MYCT1: variants seen among roughly 807,000 people sequenced by gnomAD.
The protein encoded by MYCT1 is myc target protein 1.
A neutral mutation model predicts 15.0 loss-of-function variants in MYCT1; 12 were observed. The observed-to-expected ratio is 0.80, with a 90% CI of 0.51 to 1.29. The LOEUF is 1.29. Among genes scored for constraint, MYCT1 ranks in the 50% most tolerant of loss-of-function variants. MYCT1 has a pLI of 0.00. For missense variants in MYCT1, 287 were observed against 279.1 expected (o/e 1.03, Z -0.20); for synonymous variants, 104 against 102.7 (o/e 1.01, Z -0.07).
Position 152,698,032 on chromosome 6 carries a change from T to G in MYCT1, c.130T>G (p.Phe44Val). The G allele has an allele frequency of 6.2e-7, 1 of 1,610,890 alleles. No individual in the cohort carries two copies. Among genetic ancestry groups the G allele is most frequent in the South Asian group, 1.1e-5 (1 of 90,302 alleles). ...TTCTGTTTTTCTTCTCTTTCTTCTATTTCTTGTGGATATTATGGCTAATAA... is the reference window on the plus strand; with the variant it reads ...TTCTGTTTTTCTTCTCTTTCTTCTAGTTCTTGTGGATATTATGGCTAATAA... The part of the protein sequence containing the change: ...FLSVFLLFLL[F>V]LVDIMANNTT... Residue 44 changes from phenylalanine (F) to valine (V), a missense_variant, in exon 1 of 2, where the codon TTT becomes GTT. Physicochemically the swap from Phe to Val is conservative, Grantham distance 50. Coordinates refer to ENST00000367245, the MANE Select transcript of MYCT1 (RefSeq NM_025107.3).
At chr6:152,721,263 A>G (rs1010837030) in intron 1 of MYCT1, among the ~76,000 whole-genome samples, 1 of 152,196 alleles carries the variant, frequency 6.6e-6, no homozygotes, top group African/African-American at 2.4e-5. Flanking sequence ...AGGCATCATG[A>G]AGACTGCAGG....
chr6:152,738,317 A>C, the MYCT1 span, among the ~76,000 whole-genome samples: 2 of 152,124 alleles, frequency 1.3e-5, no homozygotes, highest in Non-Finnish European at 2.9e-5. Flanking sequence ...TACTTTCAGC[A>C]AGTAAAATGT....
downstream of MYCT1, among the ~76,000 whole-genome samples, chr6:152,729,033 G>T (rs949457397): frequency 6.6e-6 from 1 of 152,154 alleles, no homozygotes; most frequent in Non-Finnish European, 1.5e-5. Context: ...TTAGGGACAC[G>T]GTGTGATTTG....
intron 1 of MYCT1, among the ~76,000 whole-genome samples, chr6:152,698,939 G>T (rs1276964510): frequency 6.6e-6 from 1 of 152,120 alleles, no homozygotes; most frequent in Admixed American, 6.6e-5. Flanking sequence ...GGCTCACATG[G>T]GGAGTTGACA....
intron 1 of MYCT1, among the ~76,000 whole-genome samples, chr6:152,714,002 T>A (rs938673110): frequency 2.0e-5 from 3 of 152,122 alleles, no homozygotes; most frequent in Admixed American, 1.3e-4. Flanking sequence ...GGTAGAATTT[T>A]TTTTTATATT....
the MYCT1 span, among the ~76,000 whole-genome samples, chr6:152,745,694 G>A: frequency 2.0e-5 from 3 of 152,082 alleles, no homozygotes; most frequent in Admixed American, 6.5e-5. Flanking sequence ...GGCTGTCATC[G>A]ACTGAAATAT....
intron 1 of MYCT1, among the ~76,000 whole-genome samples, chr6:152,714,493 T>C (rs2099723295): frequency 6.6e-6 from 1 of 151,360 alleles, no homozygotes; most frequent in Non-Finnish European, 1.5e-5. Flanking sequence ...CTTATGAATG[T>C]GGCTTTAGGC....
In MYCT1 at chr6:152,722,079, G is replaced by A; in HGVS notation, c.534G>A (p.Val178=). The change falls in exon 2 of 2, where the codon GTG becomes GTA. Residue 178 remains valine (V), a synonymous_variant. Transcript: ENST00000367245. ...HPFLQCPPLP[V]ETESQLVTLP... is the part of the protein sequence containing the mutation. ...TTCTGCAATGTCCACCACTTCCTGT[G>A]GAAACTGAGAGTCAGCTGGTGACTC... is the stretch of plus-strand genomic sequence containing the variant. 1.2e-6 allele frequency: 2 copies of A among 1,614,074 alleles called. No individual in the cohort carries two copies. The highest frequency in any genetic ancestry group is 3.3e-5 in the Admixed American group (2 of 60,006).
the MYCT1 span, among the ~76,000 whole-genome samples, chr6:152,739,156 A>G: frequency 6.6e-6 from 1 of 151,912 alleles, no homozygotes; most frequent in Non-Finnish European, 1.5e-5. Flanking sequence ...ACTTAACACT[A>G]GAATTGGTTT....
the MYCT1 span, among the ~76,000 whole-genome samples, chr6:152,731,617 G>T: frequency 1.3e-5 from 2 of 152,156 alleles, no homozygotes; most frequent in East Asian, 3.9e-4. Flanking sequence ...GAGAACATGC[G>T]GTGTTTGGTT....
At chr6:152,737,665 G>A in the MYCT1 span, among the ~76,000 whole-genome samples, 1 of 152,176 alleles carries the variant, frequency 6.6e-6, no homozygotes, top group Admixed American at 6.5e-5. Context: ...ATGCTATTAA[G>A]TCATAAAAGA....
rs1209792300 is a variant in MYCT1, at chr6:152,724,439, T to C, written c.*2186T>C. On this transcript the variant is annotated 3_prime_UTR_variant, in exon 2 of 2. Transcript: ENST00000367245. ...CACCCTTATCCCAGTTATAAGACAG[T>C]CAAAATGACTATTTCCTAAATATTG... 2 of 152,146 alleles carry C rather than the reference T, an allele frequency of 1.3e-5. No homozygotes were observed. Among genetic ancestry groups the C allele is most frequent in the Non-Finnish European group, 2.9e-5 (2 of 68,020 alleles). 9.4% of individuals were successfully genotyped at this position (152,146 alleles called of 1,614,324 possible).
At chr6:152,746,268 A>G in the MYCT1 span, among the ~76,000 whole-genome samples, 5 of 152,232 alleles carry the variant, frequency 3.3e-5, no homozygotes, top group Non-Finnish European at 7.3e-5. Flanking sequence ...ACACCCCGGC[A>G]GACGCCTGAA....
At chr6:152,742,009 C>A in the MYCT1 span, among the ~76,000 whole-genome samples, 1 of 152,138 alleles carries the variant, frequency 6.6e-6, no homozygotes, top group East Asian at 1.9e-4. Context: ...GAGGTCCAAA[C>A]CAAATAGAGT....
At chr6:152,741,433 T>A in the MYCT1 span, among the ~76,000 whole-genome samples, 1 of 152,158 alleles carries the variant, frequency 6.6e-6, no homozygotes, top group Non-Finnish European at 1.5e-5. Flanking sequence ...ACCTTGAATG[T>A]TTATTCTTAT....
At chr6:152,739,292 CAAT>C in the MYCT1 span, among the ~76,000 whole-genome samples, 1 of 151,164 alleles carries the variant, frequency 6.6e-6, no homozygotes, top group African/African-American at 2.4e-5. Context: ...AATCTGCAAT[CAAT>C]AGTATACCTT....
At chr6:152,746,803 A>G in the MYCT1 span, among the ~76,000 whole-genome samples, 6 of 152,218 alleles carry the variant, frequency 3.9e-5, no homozygotes, top group African/African-American at 9.6e-5. Flanking sequence ...TTCTTTCTAC[A>G]TGTAATTTGA....
chr6:152,737,654 A>G, the MYCT1 span, among the ~76,000 whole-genome samples: 3 of 152,150 alleles, frequency 2.0e-5, no homozygotes, highest in Non-Finnish European at 4.4e-5. Flanking sequence ...TTTCATTCAA[A>G]ATGCTATTAA....
At chr6:152,745,731 G>A in the MYCT1 span, among the ~76,000 whole-genome samples, 1 of 152,114 alleles carries the variant, frequency 6.6e-6, no homozygotes, top group Non-Finnish European at 1.5e-5. Flanking sequence ...CCTGGGTGTG[G>A]ACACCCACGC....
Sources: allele counts gnomAD v4.1 joint callset (sites outside exome capture counted in the v4.1 genomes callset), GRCh38; gene constraint gnomAD v4.1.1; transcripts MANE v1.5; gene names NCBI Gene and HGNC (gene_info 2026-07-23, HGNC 2026-07-21).